The following SYNE1 variants were observed in gnomAD, a reference collection of about 807,000 sequenced individuals.
SYNE1 encodes nesprin-1.
In SYNE1, 616 loss-of-function variants were observed where a neutral mutation model predicts 1,111.0. That is an observed-to-expected ratio of 0.55 (90% CI 0.52 to 0.59). The LOEUF is 0.59. Ranked by LOEUF, SYNE1 falls within the 20% of genes least tolerant of loss-of-function variation. The pLI, the probability that SYNE1 is intolerant of heterozygous loss-of-function variation, is 0.00. For synonymous variants in SYNE1, 3,855 were observed against 3,825.8 expected (o/e 1.01, Z -0.28); for missense variants, 10,006 against 10,417.0 (o/e 0.96, Z 1.72).
chr6:152,548,104 C>G (rs1238496538), intron 3 of SYNE1, among the ~76,000 whole-genome samples: 1 of 152,170 alleles, frequency 6.6e-6, no homozygotes, highest in Non-Finnish European at 1.5e-5. Context: ...AAACCAGCTT[C>G]TAAGAATCTT....
intron 56 of SYNE1, among the ~76,000 whole-genome samples, chr6:152,377,517 G>A (rs1427081373): frequency 1.3e-5 from 2 of 148,638 alleles, no homozygotes; most frequent in Non-Finnish European, 3.0e-5. Context: ...GCTGAGGCAG[G>A]AGAATCCCTA....
At chr6:152,489,945 G>T (rs996099581) in intron 11 of SYNE1, among the ~76,000 whole-genome samples, 1 of 152,132 alleles carries the variant, frequency 6.6e-6, no homozygotes, top group Non-Finnish European at 1.5e-5. Context: ...GCTGGTGAAG[G>T]AATCATATAT....
chr6:152,397,819 G>T (rs534771539), intron 49 of SYNE1, among the ~76,000 whole-genome samples: 3 of 152,042 alleles, frequency 2.0e-5, no homozygotes. Context: ...TGGCCTACAT[G>T]GTGAAACCTC....
At chr6:152,211,725 C>T (rs953507803) in intron 123 of SYNE1, 137 bp from the exon 124 acceptor site, 4 of 698,830 alleles carry the variant, frequency 5.7e-6, no homozygotes, top group East Asian at 2.7e-5. Flanking sequence ...TGTGTGAAAT[C>T]CTGCAGTTTA....
At chr6:152,271,616 C>T (rs633891) in intron 98 of SYNE1, among the ~76,000 whole-genome samples, 54,455 of 152,002 alleles carry the variant, frequency 0.36, 10,612 homozygotes, top group South Asian at 0.48. Context: ...AGAACTGGAA[C>T]CCATGATTTT....
chr6:152,455,673 A>G (rs770530967), intron 23 of SYNE1, 83 bp from the exon 24 acceptor site: 29 of 1,574,596 alleles, frequency 1.8e-5, no homozygotes, highest in Non-Finnish European at 9.6e-6. Context: ...TATTCATTTA[A>G]AAAGCACTTG....
At chr6:152,231,660 T>A (rs2082776218) in intron 113 of SYNE1, 93 bp from the exon 114 acceptor site, 2 of 1,322,678 alleles carry the variant, frequency 1.5e-6, no homozygotes, top group Non-Finnish European at 2.1e-6. Flanking sequence ...AATATTAATA[T>A]TATCACTTCC....
At chr6:152,570,554 G>A (rs2099446908) in intron 3 of SYNE1, among the ~76,000 whole-genome samples, 1 of 152,114 alleles carries the variant, frequency 6.6e-6, no homozygotes, top group Admixed American at 6.6e-5. Flanking sequence ...AGCACTAGAG[G>A]CTGGACTTGC....
intron 41 of SYNE1, among the ~76,000 whole-genome samples, chr6:152,415,763 A>C (rs747640533): frequency 7.2e-6 from 1 of 139,052 alleles, no homozygotes; most frequent in Non-Finnish European, 1.5e-5. Flanking sequence ...GTGTCAAATT[A>C]GTCGTTAATC....
At chr6:152,473,418 T>C (rs2098817778) in intron 14 of SYNE1, among the ~76,000 whole-genome samples, 1 of 152,176 alleles carries the variant, frequency 6.6e-6, no homozygotes, top group Non-Finnish European at 1.5e-5. Flanking sequence ...AAGTGAAAAC[T>C]TTTCTATTAT....
intron 3 of SYNE1, among the ~76,000 whole-genome samples, chr6:152,607,160 A>G (rs1235466417): frequency 2.7e-5 from 4 of 147,568 alleles, no homozygotes; most frequent in Non-Finnish European, 6.0e-5. Context: ...AATTTTTTGT[A>G]TTTTTAGTAG....
At position 152,637,212 on chromosome 6, in the gene SYNE1, G is replaced by C. The variant is rs1348691283; in HGVS notation, c.-415C>G. 1 of 152,302 alleles carries C rather than the reference G, an allele frequency of 6.6e-6. No individual in the cohort carries two copies. The highest frequency in any genetic ancestry group is 1.5e-5 in the Non-Finnish European group (1 of 68,108). The allele number at this position is 152,302 out of a possible 1,614,324, so 9.4% of individuals were successfully genotyped here. ...ACCTCCTGGAGATGCACGGCCTTGGGCGTTTCTCCGCAGCTGCAAAGCTGT... is the reference window on the plus strand; with the variant it reads ...ACCTCCTGGAGATGCACGGCCTTGGCCGTTTCTCCGCAGCTGCAAAGCTGT... On this transcript the variant is annotated 5_prime_UTR_variant, in exon 1 of 146. Coordinates refer to ENST00000367255, the MANE Select transcript of SYNE1 (RefSeq NM_182961.4).
chr6:152,125,210 G>C (rs1371335238), intron 145 of SYNE1: 1 of 1,529,148 alleles, frequency 6.5e-7, no homozygotes, highest in Non-Finnish European at 8.8e-7. Context: ...GAAATGTTTT[G>C]CTGGTTGGTG....
intron 14 of SYNE1, among the ~76,000 whole-genome samples, chr6:152,477,803 G>A (rs1564329598): frequency 6.6e-6 from 1 of 152,152 alleles, no homozygotes; most frequent in Non-Finnish European, 1.5e-5. Context: ...CAGGGGAGTA[G>A]GAAGGAAACT....
At chr6:152,478,744 A>T (rs2098851460) in intron 14 of SYNE1, 1 of 152,234 alleles carries the variant, frequency 6.6e-6, no homozygotes, top group Admixed American at 6.5e-5. Context: ...GAGGGAATGG[A>T]GTCGGGAAAT....
At chr6:152,493,320 C>T (rs1211677636) in intron 11 of SYNE1, among the ~76,000 whole-genome samples, 1 of 151,962 alleles carries the variant, frequency 6.6e-6, no homozygotes, top group Non-Finnish European at 1.5e-5. Flanking sequence ...ATCCTCAATA[C>T]CTCCCTCCAC....
intron 101 of SYNE1, 77 bp downstream of exon 101, chr6:152,261,955 A>T (rs1487708226): frequency 6.5e-6 from 8 of 1,228,168 alleles, no homozygotes; most frequent in Non-Finnish European, 6.6e-6. Context: ...AATTAAGTTG[A>T]TTGCACAGTT....
At chr6:152,376,293 G>A (rs559997766) in intron 58 of SYNE1, 88 bp downstream of exon 58, 18 of 1,441,872 alleles carry the variant, frequency 1.2e-5, no homozygotes, top group Admixed American at 6.8e-5. Flanking sequence ...GTACCAGTCC[G>A]CGGCCCAGGA....
At chr6:152,462,177 T>C (rs970026821) in intron 20 of SYNE1, among the ~76,000 whole-genome samples, 3 of 152,134 alleles carry the variant, frequency 2.0e-5, no homozygotes, top group South Asian at 2.1e-4. Flanking sequence ...AAATTACTTA[T>C]AGTCTTCTCC....
Sources: allele counts gnomAD v4.1 joint callset (sites outside exome capture counted in the v4.1 genomes callset), GRCh38; gene constraint gnomAD v4.1.1; transcripts MANE v1.5; gene names NCBI Gene and HGNC (gene_info 2026-07-23, HGNC 2026-07-21).